The following WDPCP variants were observed in gnomAD, a reference collection of about 807,000 sequenced individuals.
The protein encoded by WDPCP is WD repeat-containing and planar cell polarity effector protein fritz homolog.
Under a neutral mutation model 93.1 loss-of-function variants are expected in WDPCP, and 71 were observed. The observed-to-expected ratio is 0.76, with a 90% CI of 0.63 to 0.93. The LOEUF (loss-of-function observed/expected upper bound fraction) is 0.93. WDPCP is among the 40% of genes least tolerant of loss of function. The pLI is 0.00. For synonymous variants in WDPCP, 315 were observed against 315.0 expected (o/e 1.00, Z 0.00); for missense variants, 844 against 887.4 (o/e 0.95, Z 0.62).
intron 15 of WDPCP, chr2:63,168,736 C>T (rs925552932): frequency 6.6e-6 from 1 of 152,186 alleles, no homozygotes; most frequent in Non-Finnish European, 1.5e-5. Context: ...CACCAGGTTG[C>T]ATAAGGTGGG....
At chr2:63,620,789 G>A (rs546745436) in intron 3 of WDPCP, among the ~76,000 whole-genome samples, 1 of 152,072 alleles carries the variant, frequency 6.6e-6, no homozygotes. Flanking sequence ...CATCTGGCAG[G>A]TGCCCCTCTG....
intron 1 of WDPCP, among the ~76,000 whole-genome samples, chr2:63,545,699 C>G (rs531578986): frequency 4.9e-4 from 74 of 151,944 alleles, no homozygotes; most frequent in African/African-American, 1.8e-3. Flanking sequence ...GAACTCAGAT[C>G]CACCTAGAAA....
chr2:63,787,714 G>A (rs1406507248), intron 2 of WDPCP, among the ~76,000 whole-genome samples: 1 of 152,094 alleles, frequency 6.6e-6, no homozygotes, highest in East Asian at 1.9e-4. Context: ...ACTAAACTAT[G>A]GAACCAAAAT....
intron 1 of WDPCP, among the ~76,000 whole-genome samples, chr2:63,561,476 C>G (rs1299470248): frequency 1.4e-5 from 2 of 145,022 alleles, no homozygotes; most frequent in South Asian, 2.3e-4. Context: ...GACTCCATCT[C>G]AAATAATAAT....
intron 14 of WDPCP, among the ~76,000 whole-genome samples, chr2:63,187,300 AT>A (rs935676794): frequency 5.9e-5 from 9 of 151,480 alleles, no homozygotes; most frequent in South Asian, 2.1e-4. Flanking sequence ...TCCTATTTTT[AT>A]TTTTTTTATC....
chr2:63,227,598 G>C (rs1395924749), intron 14 of WDPCP, among the ~76,000 whole-genome samples: 2 of 151,972 alleles, frequency 1.3e-5, no homozygotes, highest in African/African-American at 4.8e-5. Context: ...GACTAGTAAA[G>C]TGATTTAGAG....
chr2:63,675,842 T>A (rs1710397495), intron 2 of WDPCP, among the ~76,000 whole-genome samples: 1 of 152,208 alleles, frequency 6.6e-6, no homozygotes, highest in South Asian at 2.1e-4. Context: ...AATGTAGTGA[T>A]GTGATGAATA....
chr2:63,817,020 G>T (rs1341181649), intron 1 of WDPCP, among the ~76,000 whole-genome samples: 2 of 152,098 alleles, frequency 1.3e-5, no homozygotes, highest in African/African-American at 4.8e-5. Flanking sequence ...CTGGGGCAAT[G>T]GAAATATTCT....
chr2:63,397,278 C>G (rs1298586074), intron 10 of WDPCP, among the ~76,000 whole-genome samples: 1 of 152,140 alleles, frequency 6.6e-6, no homozygotes, highest in Non-Finnish European at 1.5e-5. Context: ...TCTAGAACGA[C>G]TTTTGACTTG....
chr2:63,266,731 G>A (rs1223753324), intron 13 of WDPCP, among the ~76,000 whole-genome samples: 3 of 152,040 alleles, frequency 2.0e-5, no homozygotes, highest in East Asian at 3.9e-4. Flanking sequence ...ATTTGAACTC[G>A]GGGGGTGGAG....
chr2:63,318,281 G>A (rs768331570), intron 12 of WDPCP, among the ~76,000 whole-genome samples: 2 of 152,036 alleles, frequency 1.3e-5, no homozygotes, highest in Non-Finnish European at 2.9e-5. Context: ...TGCTGGCAAG[G>A]GTGCAGAGAA....
At chr2:63,677,099 C>T (rs960917901) in intron 2 of WDPCP, among the ~76,000 whole-genome samples, 9 of 152,172 alleles carry the variant, frequency 5.9e-5, no homozygotes, top group Non-Finnish European at 1.3e-4. Flanking sequence ...AGTCCAGGCA[C>T]ATGCATATTT....
intron 14 of WDPCP, among the ~76,000 whole-genome samples, chr2:63,258,951 G>C (rs1487588214): frequency 6.6e-6 from 1 of 152,096 alleles, no homozygotes; most frequent in African/African-American, 2.4e-5. Context: ...TTTGAGAAAT[G>C]ACATGTCTGT....
At chr2:63,674,255 A>T (rs917624484) in intron 2 of WDPCP, among the ~76,000 whole-genome samples, 2 of 152,236 alleles carry the variant, frequency 1.3e-5, no homozygotes, top group Admixed American at 6.5e-5. Flanking sequence ...CATTTAAAAA[A>T]TTCCCAAGAT....
intron 2 of WDPCP, among the ~76,000 whole-genome samples, chr2:63,798,029 A>G (rs1670641183): frequency 6.6e-6 from 1 of 152,232 alleles, no homozygotes; most frequent in African/African-American, 2.4e-5. Flanking sequence ...GGCATGACAT[A>G]TTTAAAGTGC....
chr2:63,303,169 C>T (rs977480313), intron 13 of WDPCP, among the ~76,000 whole-genome samples: 1 of 152,314 alleles, frequency 6.6e-6, no homozygotes, highest in South Asian at 2.1e-4. Flanking sequence ...TGCACTATAA[C>T]TTCCAAGGCC....
chr2:63,559,308 C>G (rs1706393569), intron 1 of WDPCP, among the ~76,000 whole-genome samples: 2 of 152,114 alleles, frequency 1.3e-5, no homozygotes, highest in Admixed American at 1.3e-4. Flanking sequence ...CAACCCACAG[C>G]CAATATTATA....
In WDPCP at chr2:63,223,570, C is replaced by G. The variant is rs150298834; in HGVS notation, c.1915+35737G>C. On this transcript the variant is annotated intron_variant, in intron 14 of 17. Coordinates refer to ENST00000272321, the MANE Select transcript of WDPCP (RefSeq NM_015910.7). Reference sequence around the variant, plus strand: ...TAAGTGGGCAAGGATTGAGTGAATTCTGCGAAACATAAGACTCACTACAAT... The same window carrying G: ...TAAGTGGGCAAGGATTGAGTGAATTGTGCGAAACATAAGACTCACTACAAT... Among the ~76,000 whole-genome samples, 4 of 152,188 alleles carry G rather than the reference C, an allele frequency of 2.6e-5. No individual in the cohort carries two copies. The East Asian group carries it at 7.7e-4, about 29-fold the overall frequency.
intron 10 of WDPCP, among the ~76,000 whole-genome samples, chr2:63,395,601 T>C (rs1413421601): frequency 6.6e-6 from 1 of 152,180 alleles, no homozygotes; most frequent in Admixed American, 6.5e-5. Flanking sequence ...TCAATGCTCA[T>C]CAGCTTCCGG....
Sources: gnomAD v4.1 joint callset for allele counts (sites outside exome capture counted in the v4.1 genomes callset) on GRCh38, gnomAD v4.1.1 for gene constraint, MANE v1.5 for transcripts, NCBI Gene and HGNC (gene_info 2026-07-23, HGNC 2026-07-21) for gene names.